FGF14: variants seen among roughly 807,000 people sequenced by gnomAD.
FGF14 encodes the protein fibroblast growth factor 14.
In FGF14, 5 loss-of-function variants were observed where a neutral mutation model predicts 25.5. That is an observed-to-expected ratio of 0.20 (90% CI 0.10 to 0.41). The LOEUF is 0.41. FGF14 is among the 10% of genes least tolerant of loss of function. The probability of loss-of-function intolerance (pLI) is 1.00; values close to 1 mark genes in which losing one functional copy is unlikely to be tolerated. For missense variants in FGF14, 222 were observed against 320.1 expected (o/e 0.69, Z 2.34); for synonymous variants, 138 against 118.3 (o/e 1.17, Z -1.08).
At chr13:101,809,097 T>A (rs1270939049) in intron 3 of FGF14, among the ~76,000 whole-genome samples, 2 of 152,098 alleles carry the variant, frequency 1.3e-5, no homozygotes, top group African/African-American at 4.8e-5. Flanking sequence ...CACTTTAATA[T>A]GTGTCCTATA....
intron 1 of FGF14, among the ~76,000 whole-genome samples, chr13:102,360,835 C>T (rs923321765): frequency 6.6e-6 from 1 of 151,984 alleles, no homozygotes; most frequent in Non-Finnish European, 1.5e-5. Context: ...CTGTATACTC[C>T]ATTCTAAACA....
At chr13:102,363,570 A>G (rs2057626868) in intron 1 of FGF14, among the ~76,000 whole-genome samples, 3 of 152,214 alleles carry the variant, frequency 2.0e-5, no homozygotes, top group African/African-American at 7.2e-5. Context: ...ATTCCGTTAG[A>G]AAAGGCTCTT....
At chr13:102,281,820 T>C (rs1007694456) in intron 1 of FGF14, among the ~76,000 whole-genome samples, 2 of 152,004 alleles carry the variant, frequency 1.3e-5, no homozygotes, top group African/African-American at 4.8e-5. Flanking sequence ...ACACTACATG[T>C]CCATCTAGAT....
intron 1 of FGF14, among the ~76,000 whole-genome samples, chr13:102,104,088 T>G (rs2044788980): frequency 1.3e-5 from 2 of 152,200 alleles, no homozygotes; most frequent in Non-Finnish European, 2.9e-5. Context: ...AGTAGTACAT[T>G]TATCTTCAGT....
At chr13:102,043,034 T>C (rs2041817106) in intron 1 of FGF14, among the ~76,000 whole-genome samples, 3 of 152,210 alleles carry the variant, frequency 2.0e-5, no homozygotes, top group Admixed American at 1.3e-4. Flanking sequence ...GAGAAAAATA[T>C]GAGCTTATGA....
intron 1 of FGF14, among the ~76,000 whole-genome samples, chr13:102,352,546 C>T (rs1214161651): frequency 6.6e-6 from 1 of 152,154 alleles, no homozygotes; most frequent in Non-Finnish European, 1.5e-5. Flanking sequence ...GGCGCGGTGG[C>T]TCACGCCTGT....
At chr13:102,276,781 A>G (rs1028332872) in intron 1 of FGF14, among the ~76,000 whole-genome samples, 2 of 152,178 alleles carry the variant, frequency 1.3e-5, no homozygotes, top group Non-Finnish European at 2.9e-5. Flanking sequence ...TTTAGTTACT[A>G]TAACAGCATG....
intron 1 of FGF14, among the ~76,000 whole-genome samples, chr13:101,914,143 A>G (rs2033232414): frequency 6.6e-6 from 1 of 151,750 alleles, no homozygotes; most frequent in South Asian, 2.1e-4. Context: ...AAGAGTGTGT[A>G]ATAAGAAGGT....
chr13:101,911,088 C>G (rs1327841741), intron 1 of FGF14, among the ~76,000 whole-genome samples: 1 of 151,618 alleles, frequency 6.6e-6, no homozygotes, highest in Non-Finnish European at 1.5e-5. Context: ...AAATTTCTAC[C>G]ATTTAAAAAA....
At chr13:102,063,102 C>T (rs2042756438) in intron 1 of FGF14, among the ~76,000 whole-genome samples, 1 of 152,048 alleles carries the variant, frequency 6.6e-6, no homozygotes, top group African/African-American at 2.4e-5. Flanking sequence ...TCAGTGCTTC[C>T]AAACCTTCCT....
At chr13:102,229,965 G>A (rs1323482983) in intron 1 of FGF14, among the ~76,000 whole-genome samples, 1 of 152,138 alleles carries the variant, frequency 6.6e-6, no homozygotes, top group Non-Finnish European at 1.5e-5. Flanking sequence ...CATTGTACTA[G>A]TCACTGATAT....
rs552463381 is a variant in FGF14 at position 101,784,214 on chromosome 13, T to C, written c.409-57404A>G. Among the ~76,000 whole-genome samples, 52 of 152,318 alleles carry C rather than the reference T, an allele frequency of 3.4e-4. No homozygotes were observed. In the South Asian group the frequency reaches 3.7e-3, roughly 11 times the overall value. On this transcript the variant is annotated intron_variant, in intron 3 of 4. Coordinates refer to ENST00000376143, the MANE Select transcript of FGF14 (RefSeq NM_004115.4). ...CAAGTCACTGCTCACAGTTCAAAGT[T>C]TGAACATCATAGCTTAGAAGTAGCT...
At chr13:102,117,159 A>ATAATATTTT (rs1278898742) in intron 1 of FGF14, among the ~76,000 whole-genome samples, 1 of 152,096 alleles carries the variant, frequency 6.6e-6, no homozygotes, top group African/African-American at 2.4e-5. Flanking sequence ...TTTGGTTTCT[A>ATAATATTTT]TAATATTTTT....
At chr13:102,214,460 A>G (rs140027159) in intron 1 of FGF14, among the ~76,000 whole-genome samples, 206 of 152,314 alleles carry the variant, frequency 1.4e-3, no homozygotes, top group African/African-American at 4.8e-3. Context: ...GGTGGCTCCA[A>G]GAAGGATCCA....
intron 1 of FGF14, among the ~76,000 whole-genome samples, chr13:102,377,059 C>T (rs189624265): frequency 1.5e-4 from 23 of 151,988 alleles, no homozygotes; most frequent in African/African-American, 5.1e-4. Flanking sequence ...AAGGCAAATT[C>T]AAGCTAGTCT....
chr13:101,842,230 G>A (rs556832160), intron 3 of FGF14, among the ~76,000 whole-genome samples: 5 of 151,978 alleles, frequency 3.3e-5, no homozygotes, highest in Non-Finnish European at 5.9e-5. Flanking sequence ...ACAGGCGTCA[G>A]AGGTTGCTAT....
At chr13:102,192,030 T>C (rs909963811) in intron 1 of FGF14, among the ~76,000 whole-genome samples, 3 of 152,228 alleles carry the variant, frequency 2.0e-5, no homozygotes, top group African/African-American at 7.2e-5. Flanking sequence ...CCTACAGGGA[T>C]AGTGGATCCT....
rs185803367 is a variant in FGF14, at chr13:102,255,590, C to A, written c.208+145881G>T. ...GAAAGGTCCTATGATGGAAGATTTACCCTTGCTTATAAATGAGGCAAGATT... is the reference window on the plus strand; with the variant it reads ...GAAAGGTCCTATGATGGAAGATTTAACCTTGCTTATAAATGAGGCAAGATT... On this transcript the variant is annotated intron_variant, in intron 1 of 4. Transcript: ENST00000376131. Among the ~76,000 whole-genome samples the A allele has an allele frequency of 5.9e-3, 905 of 152,248 alleles. 29 individuals are homozygous for A. The highest frequency in any genetic ancestry group is 0.055 in the Admixed American group (841 of 15,288).
chr13:101,910,824 A>C (rs1305376621), intron 1 of FGF14, among the ~76,000 whole-genome samples: 1 of 144,182 alleles, frequency 6.9e-6, no homozygotes, highest in Non-Finnish European at 1.5e-5. Context: ...ATGGTCTCTT[A>C]GAGATTTGGA....
Sources: gnomAD v4.1 joint callset for allele counts (sites outside exome capture counted in the v4.1 genomes callset) on GRCh38, gnomAD v4.1.1 for gene constraint, MANE v1.5 for transcripts, NCBI Gene and HGNC (gene_info 2026-07-23, HGNC 2026-07-21) for gene names.